FMN2: variants seen among roughly 807,000 people sequenced by gnomAD.
FMN2 encodes formin-2.
In FMN2, 51 loss-of-function variants were observed where a neutral mutation model predicts 142.3. That is an observed-to-expected ratio of 0.36 (90% CI 0.29 to 0.45). The LOEUF (loss-of-function observed/expected upper bound fraction) is 0.45, where lower values mean the gene tolerates loss of function less well. FMN2 is among the 20% of genes least tolerant of loss of function. The pLI is 1.00. For missense variants in FMN2, 1,936 were observed against 2,122.8 expected (o/e 0.91, Z 1.73); for synonymous variants, 882 against 869.8 (o/e 1.01, Z -0.25).
intron 15 of FMN2, among the ~76,000 whole-genome samples, chr1:240,419,941 T>C (rs1405192340): frequency 6.6e-6 from 1 of 152,188 alleles, no homozygotes; most frequent in Non-Finnish European, 1.5e-5. Flanking sequence ...AAGGATGCTA[T>C]GCTCCACTAA....
At chr1:240,264,232 C>G (rs1211831870) in intron 7 of FMN2, among the ~76,000 whole-genome samples, 3 of 152,056 alleles carry the variant, frequency 2.0e-5, no homozygotes, top group African/African-American at 7.2e-5. Flanking sequence ...CTGTTTTGGT[C>G]TGCCATTGTC....
At chr1:240,104,113 C>T (rs927478461) in intron 1 of FMN2, among the ~76,000 whole-genome samples, 1 of 151,078 alleles carries the variant, frequency 6.6e-6, no homozygotes, top group Admixed American at 6.6e-5. Flanking sequence ...CTCCTGACCT[C>T]GTGATCCGCC....
At chr1:240,176,057 G>C (rs1664899425) in intron 2 of FMN2, among the ~76,000 whole-genome samples, 1 of 152,020 alleles carries the variant, frequency 6.6e-6, no homozygotes, top group Non-Finnish European at 1.5e-5. Flanking sequence ...TTATGATATA[G>C]TTCAGTTCAT....
chr1:240,314,607 A>C (rs12091483), intron 8 of FMN2, among the ~76,000 whole-genome samples: 1 of 152,214 alleles, frequency 6.6e-6, no homozygotes, highest in Non-Finnish European at 1.5e-5. Flanking sequence ...ATTTTGGAAT[A>C]CTTTCATGTT....
intron 14 of FMN2, among the ~76,000 whole-genome samples, chr1:240,377,274 G>A (rs1160209553): frequency 6.7e-6 from 1 of 150,306 alleles, no homozygotes; most frequent in Non-Finnish European, 1.5e-5. Flanking sequence ...CCATTTTTGA[G>A]AGATATTCTT....
intron 16 of FMN2, among the ~76,000 whole-genome samples, chr1:240,455,010 G>A (rs1454572766): frequency 2.7e-5 from 4 of 150,244 alleles, no homozygotes; most frequent in Admixed American, 6.8e-5. Context: ...TGGCTCCTAC[G>A]TTTAAAAGCT....
At chr1:240,314,886 G>A (rs1670721095) in intron 8 of FMN2, among the ~76,000 whole-genome samples, 1 of 152,160 alleles carries the variant, frequency 6.6e-6, no homozygotes, top group Non-Finnish European at 1.5e-5. Flanking sequence ...GTCTCTTTGA[G>A]AACATTAACA....
intron 6 of FMN2, among the ~76,000 whole-genome samples, chr1:240,242,078 C>T (rs2102870071): frequency 6.6e-6 from 1 of 152,212 alleles, no homozygotes; most frequent in East Asian, 1.9e-4. Flanking sequence ...ATCTCCTGAC[C>T]TCGTGATCCG....
chr1:240,434,143 A>G (rs1675273650), intron 15 of FMN2, among the ~76,000 whole-genome samples: 2 of 152,198 alleles, frequency 1.3e-5, no homozygotes, highest in Non-Finnish European at 1.5e-5. Context: ...GTTATCTGTT[A>G]TTATAATCAT....
At chr1:240,452,545 T>G (rs1161603974) in intron 16 of FMN2, among the ~76,000 whole-genome samples, 2 of 151,900 alleles carry the variant, frequency 1.3e-5, no homozygotes, top group South Asian at 2.1e-4. Context: ...TTTTTAAAAT[T>G]AACCTCTAGG....
In FMN2 at chr1:240,145,266, C is replaced by T. The variant is rs530311675; in HGVS notation, c.1782+21921C>T. ...AGCTCCTGTTCTTTGTCCTTGTCCCCGGCATCCCGCCGCTCCTTGCCGCTT... is the reference window on the plus strand; with the variant it reads ...AGCTCCTGTTCTTTGTCCTTGTCCCTGGCATCCCGCCGCTCCTTGCCGCTT... On this transcript the variant is annotated intron_variant, in intron 2 of 17. Coordinates refer to ENST00000319653, the MANE Select transcript of FMN2 (RefSeq NM_020066.5). The T allele has an allele frequency of 2.5e-4, 361 of 1,445,272 alleles. 1 individual carries two copies. Among genetic ancestry groups the T allele is most frequent in the Admixed American group, 1.8e-4 (9 of 50,946 alleles). 89.5% of individuals were successfully genotyped at this position (1,445,272 alleles called of 1,614,324 possible).
chr1:240,439,270 C>CAA (rs58234038), intron 16 of FMN2, among the ~76,000 whole-genome samples: 80 of 101,254 alleles, frequency 7.9e-4, no homozygotes, highest in African/African-American at 2.1e-3. Flanking sequence ...AAGGCTGTCT[C>CAA]AAAAAAAAAA....
rs113158042 is a variant in FMN2 at position 240,272,251 on chromosome 1, C to T, written c.4153+14219C>T. On this transcript the variant is annotated intron_variant, in intron 7 of 17. Coordinates refer to ENST00000319653, the MANE Select transcript of FMN2 (RefSeq NM_020066.5). The stretch of plus-strand genomic sequence containing the variant: ...TGACTGCGAATGGAATTGTCCAGGA[C>T]CACATGGAGCATGCATGGAGGTAGA... Among the ~76,000 whole-genome samples, 131 of 152,186 alleles carry T rather than the reference C, an allele frequency of 8.6e-4. 1 individual carries two copies. Among genetic ancestry groups the T allele is most frequent in the African/African-American group, 3.0e-3 (124 of 41,544 alleles).
At chr1:240,406,898 C>T (rs1000403565) in intron 15 of FMN2, among the ~76,000 whole-genome samples, 16 of 152,148 alleles carry the variant, frequency 1.1e-4, no homozygotes, top group African/African-American at 3.9e-4. Flanking sequence ...ATATAACCAT[C>T]CTGAAAAGAG....
At chr1:240,215,237 C>T (rs1666851418) in intron 6 of FMN2, among the ~76,000 whole-genome samples, 1 of 152,156 alleles carries the variant, frequency 6.6e-6, no homozygotes, top group African/African-American at 2.4e-5. Context: ...GTAATTATTA[C>T]AGCAATAATA....
At chr1:240,365,622 C>T (rs1372586051) in intron 14 of FMN2, among the ~76,000 whole-genome samples, 1 of 152,094 alleles carries the variant, frequency 6.6e-6, no homozygotes, top group Non-Finnish European at 1.5e-5. Context: ...TTTATAGAGT[C>T]ACTGCGAACA....
intron 15 of FMN2, among the ~76,000 whole-genome samples, chr1:240,425,233 G>GAGAGAGAC (rs1222917199): frequency 1.3e-5 from 2 of 151,494 alleles, no homozygotes; most frequent in African/African-American, 2.4e-5. Context: ...GAGAGAGAGA[G>GAGAGAGAC]AGCCGTGAGA....
intron 2 of FMN2, among the ~76,000 whole-genome samples, chr1:240,173,304 AC>A (rs375192117): frequency 1.2e-3 from 176 of 152,144 alleles, no homozygotes; most frequent in African/African-American, 4.0e-3. Context: ...ACCTGTGTCC[AC>A]CCTTCTCATC....
chr1:240,394,988 A>T (rs1000140117), intron 15 of FMN2, among the ~76,000 whole-genome samples: 1 of 152,194 alleles, frequency 6.6e-6, no homozygotes, highest in Admixed American at 6.5e-5. Flanking sequence ...AAATAAATAA[A>T]TTTTTTAAAA....
Sources: gnomAD v4.1 joint callset for allele counts (sites outside exome capture counted in the v4.1 genomes callset) on GRCh38, gnomAD v4.1.1 for gene constraint, MANE v1.5 for transcripts, NCBI Gene and HGNC (gene_info 2026-07-23, HGNC 2026-07-21) for gene names.